The following KIF11 variants were observed in gnomAD, a reference collection of about 807,000 sequenced individuals.
KIF11 encodes kinesin-like protein KIF11.
A neutral mutation model predicts 121.0 loss-of-function variants in KIF11; 9 were observed. The observed-to-expected ratio is 0.07, with a 90% CI of 0.04 to 0.13. The LOEUF is 0.13. KIF11 is among the 10% of genes least tolerant of loss of function. KIF11 has a pLI of 1.00. For synonymous variants in KIF11, 408 were observed against 421.0 expected, an observed-to-expected ratio of 0.97 and a Z score of 0.38; for missense variants, 846 against 1,217.5, an observed-to-expected ratio of 0.69 and a Z score of 4.54.
At position 92,612,063 on chromosome 10, in the gene KIF11, AT is replaced by A. The variant is rs201035225; in HGVS notation, c.699-969del. 4.3e-3 allele frequency among the ~76,000 whole-genome samples: 633 copies of A among 147,092 alleles called. 14 individuals are homozygous for A. The highest frequency in any genetic ancestry group is 1.1e-3 in the Non-Finnish European group (76 of 67,850). On this transcript the variant is annotated intron_variant, in intron 6 of 21. Coordinates refer to ENST00000260731, the MANE Select transcript of KIF11 (RefSeq NM_004523.4). Reference sequence around the variant, plus strand: ...AAGAATGTCTTTGGTCATCTGTATAATTTTTTTTCCCCCTAAGATAAAAAGC... The same window carrying A: ...AAGAATGTCTTTGGTCATCTGTATAATTTTTTTCCCCCTAAGATAAAAAGC...
chr10:92,629,148 T>C (rs1844708489), intron 11 of KIF11, among the ~76,000 whole-genome samples: 1 of 150,714 alleles, frequency 6.6e-6, no homozygotes, highest in Admixed American at 6.6e-5. Context: ...GCCTGGCTAA[T>C]TTTTTTTGTA....
intron 1 of KIF11, chr10:92,596,980 A>G: frequency 2.6e-6 from 1 of 380,520 alleles, no homozygotes; most frequent in Non-Finnish European, 5.3e-6. Context: ...TCCAGGCTGT[A>G]GATACCAATG....
At chr10:92,602,012 C>T (rs1371799136) in intron 1 of KIF11, among the ~76,000 whole-genome samples, 2 of 152,122 alleles carry the variant, frequency 1.3e-5, no homozygotes, top group African/African-American at 4.8e-5. Flanking sequence ...TTTCCTGCAT[C>T]GATTGACATG....
intron 10 of KIF11, among the ~76,000 whole-genome samples, chr10:92,623,093 A>G (rs991178076): frequency 2.0e-5 from 3 of 152,168 alleles, no homozygotes; most frequent in Admixed American, 6.6e-5. Flanking sequence ...CCATATCAAG[A>G]TGTGTATATA....
At chr10:92,598,567 A>G (rs371659797) in intron 1 of KIF11, among the ~76,000 whole-genome samples, 1 of 152,180 alleles carries the variant, frequency 6.6e-6, no homozygotes, top group East Asian at 1.9e-4. Flanking sequence ...TGTTTTGGCT[A>G]TCTGGACTCC....
chr10:92,594,054 G>A (rs1298575001), intron 1 of KIF11, among the ~76,000 whole-genome samples: 1 of 152,122 alleles, frequency 6.6e-6, no homozygotes, highest in Non-Finnish European at 1.5e-5. Context: ...GATGTGGAGG[G>A]GTGTTCGGCC....
At chr10:92,599,974 TGA>T (rs1020488395) in intron 1 of KIF11, among the ~76,000 whole-genome samples, 1 of 144,196 alleles carries the variant, frequency 6.9e-6, no homozygotes, top group Non-Finnish European at 1.5e-5. Context: ...AATTAACTAT[TGA>T]ACTTCTGTTT....
At chr10:92,646,800 A>G (rs1844925462) in intron 18 of KIF11, among the ~76,000 whole-genome samples, 1 of 152,208 alleles carries the variant, frequency 6.6e-6, no homozygotes, top group Non-Finnish European at 1.5e-5. Flanking sequence ...GAAAATGGGT[A>G]AAGAAGAAGA....
intron 10 of KIF11, 100 bp downstream of exon 10, chr10:92,621,573 C>A: frequency 1.5e-6 from 1 of 651,172 alleles, no homozygotes. Flanking sequence ...ATCTTTATAT[C>A]CAGTGCCGAT....
intron 21 of KIF11, among the ~76,000 whole-genome samples, chr10:92,652,226 C>T (rs569420137): frequency 1.3e-5 from 2 of 152,038 alleles, no homozygotes; most frequent in South Asian, 2.1e-4. Flanking sequence ...CCACAATCTC[C>T]GCCTCCCGGG....
chr10:92,607,464 T>C (rs1844442141), intron 4 of KIF11, among the ~76,000 whole-genome samples: 1 of 152,308 alleles, frequency 6.6e-6, no homozygotes, highest in South Asian at 2.1e-4. Context: ...AGTTATATGA[T>C]AAAAGAGGAG....
chr10:92,631,753 G>A (rs1162684265), intron 12 of KIF11, among the ~76,000 whole-genome samples: 1 of 151,464 alleles, frequency 6.6e-6, no homozygotes, highest in African/African-American at 2.4e-5. Context: ...TCAGTTCACT[G>A]TAACCTTTGC....
At chr10:92,614,294 A>G (rs1844530364) in intron 8 of KIF11, among the ~76,000 whole-genome samples, 1 of 152,014 alleles carries the variant, frequency 6.6e-6, no homozygotes. Context: ...ACGTGGTTTC[A>G]CCTTGTTGGC....
chr10:92,603,385 G>A (rs1175289044), intron 1 of KIF11, among the ~76,000 whole-genome samples: 2 of 150,038 alleles, frequency 1.3e-5, no homozygotes, highest in African/African-American at 4.9e-5. Context: ...GACTGTAGGT[G>A]GCTGCCACCA....
At chr10:92,640,630 C>T (rs1026772998) in intron 17 of KIF11, among the ~76,000 whole-genome samples, 3 of 151,786 alleles carry the variant, frequency 2.0e-5, no homozygotes, top group African/African-American at 4.8e-5. Context: ...AGGGGTTTCA[C>T]CATGTTAGCC....
chr10:92,605,482 ATTT>A (rs58660991), intron 1 of KIF11, among the ~76,000 whole-genome samples: 9 of 98,280 alleles, frequency 9.2e-5, no homozygotes, highest in South Asian at 3.6e-4. Context: ...ATTTGATCGG[ATTT>A]TTTTTTTTTT....
intron 9 of KIF11, among the ~76,000 whole-genome samples, chr10:92,618,155 A>T (rs1844578913): frequency 6.6e-6 from 1 of 152,094 alleles, no homozygotes; most frequent in African/African-American, 2.4e-5. Context: ...TGCTTTGCCC[A>T]ATTTTAATTG....
At position 92,637,405 on chromosome 10, in the gene KIF11, G is replaced by C. The variant is rs772448212; in HGVS notation, c.2020G>C (p.Glu674Gln). 2 of 1,579,068 alleles carry C rather than the reference G, an allele frequency of 1.3e-6. No homozygotes were observed. Among genetic ancestry groups the C allele is most frequent in the Non-Finnish European group, 1.7e-6 (2 of 1,171,624 alleles). ...VADKIEDQKK[E>Q]LDGFLSILCN... Reference sequence around the variant, plus strand: ...TTCAAAGATAGAAGATCAAAAAAAGGAACTAGATGGCTTTCTCAGTATACT... The same window carrying C: ...TTCAAAGATAGAAGATCAAAAAAAGCAACTAGATGGCTTTCTCAGTATACT... The change falls in exon 16 of 22, where the codon GAA becomes CAA. Residue 674 changes from glutamate to glutamine, a missense_variant. Physicochemically the swap from Glu to Gln is conservative, Grantham distance 29 (BLOSUM62 2). Transcript: ENST00000260731.
Position 92,607,276 on chromosome 10 carries a change from A to G in KIF11, c.387+39A>G, listed in dbSNP as rs17107758. 0.067 allele frequency: 83,676 copies of G among 1,255,376 alleles called. 7,439 individuals are homozygous for G. The highest frequency in any genetic ancestry group is 0.4 in the African/African-American group (27,359 of 67,566). 77.8% of individuals were successfully genotyped at this position (1,255,376 alleles called of 1,614,324 possible). On this transcript the variant is annotated intron_variant, in intron 4 of 21. Coordinates refer to ENST00000260731, the MANE Select transcript of KIF11 (RefSeq NM_004523.4). Reference sequence around the variant, plus strand: ...ATAACATACTTTTATCTCTAATGTGACTGAAATTTAACTGTATAAAACTTG... The same window carrying G: ...ATAACATACTTTTATCTCTAATGTGGCTGAAATTTAACTGTATAAAACTTG...
Sources: gnomAD v4.1 joint callset for allele counts (sites outside exome capture counted in the v4.1 genomes callset) on GRCh38, gnomAD v4.1.1 for gene constraint, MANE v1.5 for transcripts, NCBI Gene and HGNC (gene_info 2026-07-23, HGNC 2026-07-21) for gene names.